Variants in FAM135B observed in about 807,000 individuals in gnomAD.
The protein encoded by FAM135B is family with sequence similarity 135 member B.
FAM135B carries 43 observed loss-of-function variants against 127.7 expected under a neutral mutation model. The observed-to-expected ratio is 0.34, with a 90% CI of 0.26 to 0.43. FAM135B has a LOEUF of 0.43. FAM135B is among the 20% of genes least tolerant of loss of function. The pLI is 1.00. For missense variants in FAM135B, 1,558 were observed against 1,725.6 expected, an observed-to-expected ratio of 0.90 and a Z score of 1.72; for synonymous variants, 670 against 665.1, an observed-to-expected ratio of 1.01 and a Z score of -0.11.
Position 138,243,704 on chromosome 8 carries a change from G to C in FAM135B, c.543-636C>G, listed in dbSNP as rs914966063. ...GGCAATGATCAATTTCAGGATCAAAGGAGATTAGGAAAAGATGTGTGATTA... is the reference window on the plus strand; with the variant it reads ...GGCAATGATCAATTTCAGGATCAAACGAGATTAGGAAAAGATGTGTGATTA... On this transcript the variant is annotated intron_variant, in intron 6 of 19. Coordinates refer to ENST00000395297, the MANE Select transcript of FAM135B (RefSeq NM_015912.4). The surrounding 1 kb of genome is among the most constrained non-coding windows in gnomAD (Gnocchi z 7.5). Among the ~76,000 whole-genome samples the C allele has an allele frequency of 1.3e-5, 2 of 152,168 alleles. No homozygotes were observed. Among genetic ancestry groups the C allele is most frequent in the African/African-American group, 2.4e-5 (1 of 41,440 alleles).
At chr8:138,341,472 G>C in intron 2 of FAM135B, among the ~76,000 whole-genome samples, 1 of 151,950 alleles carries the variant, frequency 6.6e-6, no homozygotes, top group East Asian at 1.9e-4. Context: ...TTTCAGCTGG[G>C]GAAGCTTTAA....
chr8:138,374,540 T>C (rs567725013), intron 1 of FAM135B, among the ~76,000 whole-genome samples: 3 of 152,202 alleles, frequency 2.0e-5, no homozygotes, highest in Admixed American at 6.5e-5. Context: ...TGGTAAGTAG[T>C]AGAGGTTCAC....
intron 4 of FAM135B, among the ~76,000 whole-genome samples, chr8:138,261,215 G>A (rs986456048): frequency 6.6e-6 from 1 of 151,972 alleles, no homozygotes; most frequent in African/African-American, 2.4e-5. Context: ...CTGGGCTCAC[G>A]AATCTGCATT....
intron 5 of FAM135B, among the ~76,000 whole-genome samples, chr8:138,252,117 G>A (rs981539169): frequency 1.3e-5 from 2 of 152,288 alleles, no homozygotes; most frequent in African/African-American, 4.8e-5. Flanking sequence ...GAAACCTGTC[G>A]GGGAGAGGGT....
At chr8:138,276,556 A>G (rs1375108917) in intron 3 of FAM135B, among the ~76,000 whole-genome samples, 3 of 152,028 alleles carry the variant, frequency 2.0e-5, no homozygotes, top group Admixed American at 2.0e-4. Context: ...CCAGAGGCTA[A>G]GATAAGCCCA....
intron 1 of FAM135B, among the ~76,000 whole-genome samples, chr8:138,475,090 G>C (rs1486513896): frequency 1.1e-5 from 1 of 87,456 alleles, no homozygotes; most frequent in Non-Finnish European, 2.1e-5. Context: ...AAAATATACA[G>C]TTTGAAAGTA....
In FAM135B at chr8:138,378,639, C is replaced by T. The variant is rs73429434; in HGVS notation, c.-19-10637G>A. 6.8e-3 allele frequency among the ~76,000 whole-genome samples: 1,038 copies of T among 152,186 alleles called. 12 individuals carry two copies. Among genetic ancestry groups the T allele is most frequent in the African/African-American group, 0.023 (964 of 41,530 alleles). On this transcript the variant is annotated intron_variant, in intron 1 of 19. Coordinates refer to ENST00000395297, the MANE Select transcript of FAM135B (RefSeq NM_015912.4). ...AAATCACATCTCTGACCCTCACCTA[C>T]CATAGAAAATGCAGCCCCAGGCATT...
At chr8:138,386,606 A>G (rs1832234424) in intron 1 of FAM135B, among the ~76,000 whole-genome samples, 1 of 152,234 alleles carries the variant, frequency 6.6e-6, no homozygotes, top group Non-Finnish European at 1.5e-5. Context: ...ACTTTATTAC[A>G]CTTTATACTG....
At chr8:138,356,556 A>G (rs1388618870) in intron 2 of FAM135B, among the ~76,000 whole-genome samples, 5 of 152,310 alleles carry the variant, frequency 3.3e-5, no homozygotes. Context: ...GGGTTGAGAC[A>G]TAAAAGACAG....
At chr8:138,316,624 C>T (rs954611643) in intron 2 of FAM135B, among the ~76,000 whole-genome samples, 1 of 152,184 alleles carries the variant, frequency 6.6e-6, no homozygotes, top group Non-Finnish European at 1.5e-5. Flanking sequence ...ATCACTCACA[C>T]ATTGCTGGTG....
intron 11 of FAM135B, among the ~76,000 whole-genome samples, chr8:138,168,964 G>A (rs1469546348): frequency 6.6e-6 from 1 of 152,168 alleles, no homozygotes; most frequent in African/African-American, 2.4e-5. Context: ...CCCTTCTCCA[G>A]TCTTGTAGAC....
intron 7 of FAM135B, among the ~76,000 whole-genome samples, chr8:138,236,937 T>C (rs1235951034): frequency 1.3e-5 from 2 of 152,070 alleles, no homozygotes; most frequent in Non-Finnish European, 2.9e-5. Context: ...GGCTGATAGA[T>C]AAATAAATGA....
At chr8:138,324,218 A>G (rs1827648316) in intron 2 of FAM135B, among the ~76,000 whole-genome samples, 1 of 152,230 alleles carries the variant, frequency 6.6e-6, no homozygotes, top group Non-Finnish European at 1.5e-5. Context: ...AATTCTATGA[A>G]TTGTACATTG....
intron 1 of FAM135B, among the ~76,000 whole-genome samples, chr8:138,470,767 G>T (rs151257877): frequency 6.6e-6 from 1 of 152,196 alleles, no homozygotes; most frequent in Non-Finnish European, 1.5e-5. Flanking sequence ...TGCTTTGTTA[G>T]GAGTCCCCCT....
chr8:138,244,318 A>AGAGAT (rs1339297637), intron 6 of FAM135B, among the ~76,000 whole-genome samples: 2 of 152,176 alleles, frequency 1.3e-5, no homozygotes, highest in Admixed American at 1.3e-4. Context: ...GAATGTGTCC[A>AGAGAT]GAGATGATCC....
intron 9 of FAM135B, among the ~76,000 whole-genome samples, chr8:138,185,110 A>G (rs1038560102): frequency 6.6e-6 from 1 of 152,148 alleles, no homozygotes; most frequent in Non-Finnish European, 1.5e-5. Flanking sequence ...GGGACAGGGA[A>G]AGGAGAGGTA....
chr8:138,433,944 G>A (rs936023824), intron 1 of FAM135B, among the ~76,000 whole-genome samples: 7 of 152,186 alleles, frequency 4.6e-5, no homozygotes, highest in Non-Finnish European at 1.0e-4. Context: ...GGGAGCAGCT[G>A]CAGAAGACAC....
intron 1 of FAM135B, among the ~76,000 whole-genome samples, chr8:138,435,400 C>T (rs888571135): frequency 6.6e-6 from 1 of 152,110 alleles, no homozygotes; most frequent in Non-Finnish European, 1.5e-5. Context: ...AATGGTGAAG[C>T]TTGGAGTGTT....
chr8:138,167,811 C>T (rs2130897446), intron 12 of FAM135B, 84 bp downstream of exon 12: 1 of 1,442,292 alleles, frequency 6.9e-7, no homozygotes, highest in Non-Finnish European at 9.3e-7. Flanking sequence ...CTCACTTTTG[C>T]TGGAATATAA....
Sources: allele counts gnomAD v4.1 joint callset (sites outside exome capture counted in the v4.1 genomes callset), GRCh38; gene constraint gnomAD v4.1.1; non-coding constraint Gnocchi (gnomAD v3.1); transcripts MANE v1.5; gene names NCBI Gene and HGNC (gene_info 2026-07-23, HGNC 2026-07-21).